Variants in CFAP20DC observed in about 807,000 individuals in gnomAD.
CFAP20DC encodes the protein CFAP20 domain containing, also known as protein CFAP20DC.
Under a neutral mutation model 101.7 loss-of-function variants are expected in CFAP20DC, and 84 were observed. The observed-to-expected ratio is 0.83, with a 90% confidence interval of 0.69 to 0.99. CFAP20DC has a LOEUF of 0.99. CFAP20DC is among the 50% of genes least tolerant of loss of function. The probability of loss-of-function intolerance (pLI) is 0.00; values close to 1 mark genes in which losing one functional copy is unlikely to be tolerated. For missense variants in CFAP20DC, 1,007 were observed against 970.3 expected, an observed-to-expected ratio of 1.04 and a Z score of -0.50; for synonymous variants, 359 against 351.2, an observed-to-expected ratio of 1.02 and a Z score of -0.25.
chr3:58,793,761 G>C (rs1419892633), intron 15 of CFAP20DC, among the ~76,000 whole-genome samples: 1 of 152,110 alleles, frequency 6.6e-6, no homozygotes, highest in Non-Finnish European at 1.5e-5. Context: ...CTGTTTAATT[G>C]AAAGCAATAC....
intron 4 of CFAP20DC, among the ~76,000 whole-genome samples, chr3:59,012,064 G>A (rs115052541): frequency 1.3e-5 from 2 of 152,148 alleles, no homozygotes; most frequent in African/African-American, 4.8e-5. Context: ...TCTCTTCATA[G>A]AACTCACAGT....
chr3:59,033,137 G>A (rs2094028928), intron 4 of CFAP20DC, among the ~76,000 whole-genome samples: 1 of 152,094 alleles, frequency 6.6e-6, no homozygotes, highest in Non-Finnish European at 1.5e-5. Context: ...CTAACAAGCA[G>A]AAAGGAATAG....
At position 58,795,505 on chromosome 3, in the gene CFAP20DC, G is replaced by T. The variant is rs187530699; in HGVS notation, c.2237+10890C>A. On this transcript the variant is annotated intron_variant, in intron 15 of 16. Coordinates refer to ENST00000482387, the MANE Select transcript of CFAP20DC (RefSeq NM_001394063.1). This position sits in a 1 kb window ranked among gnomAD's most constrained non-coding sequence, Gnocchi z 4.2. ...AAAATCAGCTTGGCTTGTGCCTGTG[G>T]TCTCGGCTACATGGGAAGCTGGAGT... Among the ~76,000 whole-genome samples, 1 of 152,296 alleles carries T rather than the reference G, an allele frequency of 6.6e-6. No individual in the cohort carries two copies. The highest frequency in any genetic ancestry group is 1.5e-5 in the Non-Finnish European group (1 of 68,036).
At chr3:58,787,700 C>A (rs1297956030) in intron 15 of CFAP20DC, among the ~76,000 whole-genome samples, 1 of 152,032 alleles carries the variant, frequency 6.6e-6, no homozygotes, top group Non-Finnish European at 1.5e-5. Flanking sequence ...ATGTTTATTG[C>A]AGCACTATTT....
chr3:58,769,042 C>G (rs753974838), intron 15 of CFAP20DC, among the ~76,000 whole-genome samples: 1 of 152,154 alleles, frequency 6.6e-6, no homozygotes, highest in Non-Finnish European at 1.5e-5. Context: ...CTGCTGCCAC[C>G]CTTAGACCTT....
intron 7 of CFAP20DC, among the ~76,000 whole-genome samples, chr3:58,877,055 G>T (rs1416526701): frequency 6.6e-6 from 1 of 152,164 alleles, no homozygotes; most frequent in Non-Finnish European, 1.5e-5. Flanking sequence ...AACAATGCAT[G>T]TAACATGTTA....
chr3:58,770,108 T>A (rs961845234), intron 15 of CFAP20DC, among the ~76,000 whole-genome samples: 1 of 152,202 alleles, frequency 6.6e-6, no homozygotes, highest in Non-Finnish European at 1.5e-5. Flanking sequence ...TGACAAAGCA[T>A]CTTGGGACTA....
intron 4 of CFAP20DC, 127 bp downstream of exon 4, chr3:59,039,430 G>T: frequency 3.3e-6 from 2 of 598,430 alleles, no homozygotes; most frequent in South Asian, 4.2e-5. Context: ...ACTTGATGTT[G>T]ACTTGATGTA....
chr3:58,752,768 T>C (rs1431531655), intron 16 of CFAP20DC, among the ~76,000 whole-genome samples: 1 of 152,144 alleles, frequency 6.6e-6, no homozygotes, highest in East Asian at 1.9e-4. Flanking sequence ...CTCAGATGTA[T>C]GGGCTCTCAC....
chr3:58,776,634 C>A (rs762977019), intron 15 of CFAP20DC, among the ~76,000 whole-genome samples: 8 of 149,922 alleles, frequency 5.3e-5, no homozygotes, highest in African/African-American at 7.4e-5. Context: ...GAGAACTACT[C>A]ATTTCCCAGG....
intron 16 of CFAP20DC, among the ~76,000 whole-genome samples, chr3:58,747,230 A>G (rs2068266959): frequency 6.6e-6 from 1 of 152,194 alleles, no homozygotes; most frequent in Non-Finnish European, 1.5e-5. Flanking sequence ...TCTATTTACA[A>G]ACTTTCAGCC....
intron 4 of CFAP20DC, among the ~76,000 whole-genome samples, chr3:59,013,420 T>C (rs1222841177): frequency 6.6e-6 from 1 of 152,214 alleles, no homozygotes; most frequent in Non-Finnish European, 1.5e-5. Context: ...CTTAGATACA[T>C]GTCTGCTACT....
intron 4 of CFAP20DC, among the ~76,000 whole-genome samples, chr3:59,030,611 T>C (rs1351505151): frequency 6.6e-6 from 1 of 152,218 alleles, no homozygotes; most frequent in African/African-American, 2.4e-5. Flanking sequence ...TCTACTTCTA[T>C]AGTCAACTGA....
intron 4 of CFAP20DC, among the ~76,000 whole-genome samples, chr3:58,966,814 C>T (rs554282368): frequency 5.9e-5 from 9 of 151,964 alleles, no homozygotes; most frequent in East Asian, 3.9e-4. Flanking sequence ...CGTGAGCCAT[C>T]GCAACTGGCT....
intron 16 of CFAP20DC, among the ~76,000 whole-genome samples, chr3:58,752,421 T>C (rs1241664555): frequency 6.6e-6 from 1 of 152,104 alleles, no homozygotes; most frequent in African/African-American, 2.4e-5. Context: ...GGAAGTTCTG[T>C]TTAGCTTCAA....
In CFAP20DC at chr3:58,937,693, G is replaced by T. The variant is rs202214979; in HGVS notation, c.348C>A (p.Thr116=). 5.6e-6 allele frequency: 9 copies of T among 1,612,694 alleles called. No homozygotes were observed. Among genetic ancestry groups the T allele is most frequent in the Non-Finnish European group, 7.6e-6 (9 of 1,178,820 alleles). The stretch of plus-strand genomic sequence containing the variant: ...AGAGTGGAATTTTTGCATGAAGAGG[G>T]GTGGAGGATAGTTCCTTATGGACCG... ...LSTVHKELSS[T]PLHAKIPLFM... The change falls in exon 5 of 17, where the codon ACC becomes ACA. Residue 116 remains threonine, a synonymous_variant. Coordinates refer to ENST00000482387, the MANE Select transcript of CFAP20DC (RefSeq NM_001394063.1).
At chr3:58,911,907 T>C (rs924518781) in intron 6 of CFAP20DC, among the ~76,000 whole-genome samples, 30 of 152,204 alleles carry the variant, frequency 2.0e-4, no homozygotes, top group African/African-American at 7.0e-4. Context: ...AATCTCCCTG[T>C]TTTCAGCCCT....
At chr3:58,900,039 A>G (rs2083011430) in intron 6 of CFAP20DC, among the ~76,000 whole-genome samples, 1 of 152,204 alleles carries the variant, frequency 6.6e-6, no homozygotes, top group African/African-American at 2.4e-5. Flanking sequence ...GGCGTCAGGG[A>G]AAGTCCTGTG....
chr3:58,886,912 TG>T (rs1351865225), intron 6 of CFAP20DC, among the ~76,000 whole-genome samples: 39 of 152,180 alleles, frequency 2.6e-4, no homozygotes, highest in African/African-American at 9.4e-4. Context: ...TGTGTATATA[TG>T]TGACTGTATG....
Sources: gnomAD v4.1 joint callset for allele counts (sites outside exome capture counted in the v4.1 genomes callset) on GRCh38, gnomAD v4.1.1 for gene constraint, Gnocchi (gnomAD v3.1) non-coding constraint, MANE v1.5 for transcripts, NCBI Gene and HGNC (gene_info 2026-07-23, HGNC 2026-07-21) for gene names.